Variants in OOSP4B observed in about 807,000 individuals in gnomAD.
OOSP4B encodes the protein oocyte-secreted protein 4B.
intron 1 of OOSP4B, among the ~76,000 whole-genome samples, chr11:60,021,305 A>T (rs1244080692): frequency 6.6e-6 from 1 of 152,192 alleles, no homozygotes; most frequent in Non-Finnish European, 1.5e-5. Flanking sequence ...TGATTTGTGG[A>T]CCAGACTTTG....
chr11:60,030,699 CATTACTTCTA>C (rs1565050892), intron 4 of OOSP4B, 93 bp from the exon 5 acceptor site: 1 of 396,586 alleles, frequency 2.5e-6, no homozygotes, highest in Non-Finnish European at 4.4e-6. Flanking sequence ...TTTTTTTCCA[CATTACTTCTA>C]ATTGAGCACC....
chr11:60,018,077 C>T (rs1234797949), intron 1 of OOSP4B, among the ~76,000 whole-genome samples: 2 of 151,976 alleles, frequency 1.3e-5, no homozygotes, highest in African/African-American at 4.8e-5. Flanking sequence ...GATGAGAGGC[C>T]CCGTGAAATG....
At chr11:60,018,376 A>G (rs1268247312) in intron 1 of OOSP4B, among the ~76,000 whole-genome samples, 1 of 152,160 alleles carries the variant, frequency 6.6e-6, no homozygotes, top group African/African-American at 2.4e-5. Flanking sequence ...TATCTAGTGG[A>G]TAGTGGTCAA....
intron 3 of OOSP4B, 136 bp downstream of exon 3, chr11:60,025,141 G>A (rs761384719): frequency 2.3e-5 from 9 of 391,712 alleles, no homozygotes; most frequent in Non-Finnish European, 3.6e-5. Flanking sequence ...CTAACTCTAA[G>A]GAAAATGTTC....
intron 1 of OOSP4B, among the ~76,000 whole-genome samples, chr11:60,020,185 G>T (rs2134622406): frequency 6.6e-6 from 1 of 152,350 alleles, no homozygotes; most frequent in South Asian, 2.1e-4. Context: ...CAGGAGCCCA[G>T]TTGGCTTCAC....
At chr11:60,027,655 T>TAAAAAAAAAAAAAAAAAAAAAACAAAA (rs1854757295) in intron 3 of OOSP4B, among the ~76,000 whole-genome samples, 1 of 62,222 alleles carries the variant, frequency 1.6e-5, no homozygotes, top group Non-Finnish European at 3.3e-5. Context: ...GCTATGATAT[T>TAAAAAAAAAAAAAAAAAAAAAACAAAA]AAAAAAAAAA....
At chr11:60,027,916 G>T (rs958069882) in intron 3 of OOSP4B, among the ~76,000 whole-genome samples, 6 of 151,448 alleles carry the variant, frequency 4.0e-5, no homozygotes, top group Non-Finnish European at 5.9e-5. Flanking sequence ...CTCCAGCCTG[G>T]GTGACAGAGT....
At chr11:60,025,461 C>T (rs1483929406) in intron 3 of OOSP4B, among the ~76,000 whole-genome samples, 3 of 152,124 alleles carry the variant, frequency 2.0e-5, no homozygotes, top group African/African-American at 7.2e-5. Context: ...GTGGATCTTC[C>T]CAGTTGGTTC....
At chr11:60,023,978 A>C in exon 2 of OOSP4B, 1 of 398,610 alleles carries the variant, frequency 2.5e-6, no homozygotes, top group Non-Finnish European at 4.4e-6. Context: ...CATACACCTG[A>C]GAGATAACTG....
intron 1 of OOSP4B, chr11:60,021,468 A>T (rs903111232): frequency 1.3e-5 from 2 of 152,214 alleles, no homozygotes; most frequent in African/African-American, 4.8e-5. Context: ...CTCCTAAGAC[A>T]CAGATGTTCA....
chr11:60,030,001 A>T, intron 4 of OOSP4B, 72 bp downstream of exon 4: 1 of 396,542 alleles, frequency 2.5e-6, no homozygotes, highest in South Asian at 1.4e-4. Flanking sequence ...GAAGGCAATG[A>T]TGTAAATTCC....
At chr11:60,029,001 G>C (rs1854775992) in intron 3 of OOSP4B, among the ~76,000 whole-genome samples, 1 of 152,024 alleles carries the variant, frequency 6.6e-6, no homozygotes, top group African/African-American at 2.4e-5. Flanking sequence ...AAAAAAAAAT[G>C]GTTTCAATAG....
At chr11:60,018,181 T>C (rs1381388310) in intron 1 of OOSP4B, among the ~76,000 whole-genome samples, 2 of 152,208 alleles carry the variant, frequency 1.3e-5, no homozygotes, top group Admixed American at 1.3e-4. Flanking sequence ...CTGCGTCTAA[T>C]GTCAGTGTGA....
chr11:60,017,631 C>T (rs950345145), intron 1 of OOSP4B, among the ~76,000 whole-genome samples: 4 of 152,018 alleles, frequency 2.6e-5, no homozygotes, highest in Non-Finnish European at 4.4e-5. Context: ...ATTACTCTTT[C>T]TGGTCACATA....
In OOSP4B at chr11:60,017,375, T is replaced by A. The variant is rs1854638658; in HGVS notation, c.-17T>A. 1 of 398,554 alleles carries A rather than the reference T, an allele frequency of 2.5e-6. No individual in the cohort carries two copies. The allele number at this position is 398,554 out of a possible 1,614,324, so 24.7% of individuals were successfully genotyped here. ...GCCATTTCTTGTTTTCTATGTTGTG[T>A]CTTGGAGTCTGGAGCAATGAAGACC... On this transcript the variant is annotated 5_prime_UTR_variant, in exon 1 of 5. It introduces an in-frame stop codon into an upstream open reading frame of the 5' UTR. Transcript: ENST00000642343.
intron 1 of OOSP4B, among the ~76,000 whole-genome samples, chr11:60,020,310 C>G (rs905788840): frequency 6.6e-6 from 1 of 152,140 alleles, no homozygotes; most frequent in African/African-American, 2.4e-5. Flanking sequence ...GAGCAGGGGG[C>G]CCCCGCTTGT....
rs1854761263 is a variant in OOSP4B, at chr11:60,027,938, T to C, written c.303-1844T>C. 2.1e-5 allele frequency among the ~76,000 whole-genome samples: 3 copies of C among 144,638 alleles called. No individual in the cohort carries two copies. The South Asian group carries it at 6.6e-4, about 32-fold the overall frequency. The allele number at this position is 144,638 out of a possible 152,430, so 94.9% of individuals were successfully genotyped here. On this transcript the variant is annotated intron_variant, in intron 3 of 4. Coordinates refer to ENST00000642343, the Ensembl canonical transcript of OOSP4B. ...CTGGGTGACAGAGTGAGATTGTCTTTAAAAAAAAAAGCCGTTAGTCTCCTC... is the reference window on the plus strand; with the variant it reads ...CTGGGTGACAGAGTGAGATTGTCTTCAAAAAAAAAAGCCGTTAGTCTCCTC...
intron 1 of OOSP4B, among the ~76,000 whole-genome samples, chr11:60,020,221 A>C (rs1180358895): frequency 6.6e-6 from 1 of 152,204 alleles, no homozygotes; most frequent in Non-Finnish European, 1.5e-5. Context: ...CCGGGGCTGC[A>C]GGTGGAGCTG....
chr11:60,021,765 C>T (rs1045441268), intron 1 of OOSP4B, among the ~76,000 whole-genome samples: 6 of 152,116 alleles, frequency 3.9e-5, no homozygotes, highest in African/African-American at 1.4e-4. Context: ...GGGTGGATCA[C>T]CTGAGGTCAG....
Sources: gnomAD v4.1 joint callset for allele counts (sites outside exome capture counted in the v4.1 genomes callset) on GRCh38, gnomAD v4.1.1 for gene constraint, MANE v1.5 for transcripts, NCBI Gene and HGNC (gene_info 2026-07-23, HGNC 2026-07-21) for gene names.